The following CACNA1F variants were observed in gnomAD, a reference collection of about 807,000 sequenced individuals.
CACNA1F encodes calcium voltage-gated channel subunit alpha1 F, also known as voltage-dependent L-type calcium channel subunit alpha-1F.
CACNA1F carries 59 observed loss-of-function variants against 143.8 expected under a neutral mutation model. The ratio of observed to expected loss-of-function variants is 0.41; its 90% CI spans 0.33 to 0.51. The LOEUF (loss-of-function observed/expected upper bound fraction) is 0.51. CACNA1F is among the 20% of genes least tolerant of loss of function. The pLI is 0.22. For missense variants in CACNA1F, 1,411 were observed against 1,647.5 expected, an observed-to-expected ratio of 0.86 and a Z score of 2.48; for synonymous variants, 643 against 649.1, an observed-to-expected ratio of 0.99 and a Z score of 0.14.
intron 26 of CACNA1F, among the ~76,000 whole-genome samples, chrX:49,217,204 C>T (rs111869027): frequency 2.4e-4 from 27 of 112,777 alleles, no homozygotes; most frequent in African/African-American, 8.4e-4. Context: ...GGTGATCTGC[C>T]TGCCTTGGCC....
At chrX:49,208,420 CCCA>C in intron 43 of CACNA1F, 92 bp downstream of exon 43, 1 of 317,322 alleles carries the variant, frequency 3.2e-6, no homozygotes, top group Admixed American at 3.6e-5. Flanking sequence ...GGCCCTCCCT[CCCA>C]CCCCCCTCAA....
Position 49,211,089 on chromosome X carries a change from T to C in CACNA1F, c.4264A>G (p.Ile1422Val), listed in dbSNP as rs1557106131. The C allele has an allele frequency of 4.1e-6, 5 of 1,210,102 alleles. No individual in the cohort carries two copies. The highest frequency in any genetic ancestry group is 5.6e-6 in the Non-Finnish European group (5 of 894,267). ...SFFMLCAFLIINLFVAVIMDN... is the reference protein window; with the variant it reads ...SFFMLCAFLIVNLFVAVIMDN... The stretch of plus-strand genomic sequence containing the variant: ...ATGATCACAGCCACAAAGAGATTTA[T>C]GATCTGTGGGCCAGTGAGCAAGGGA... The change falls in exon 37 of 48, where the codon ATA (isoleucine) becomes GTA (valine). Residue 1422 changes from isoleucine (I) to valine (V), a missense_variant. Ile to Val is a conservative substitution (Grantham distance 29, BLOSUM62 3). This residue lies in a region of CACNA1F where 112 missense variants were observed against 169.2 expected (regional missense o/e 0.66). Coordinates refer to ENST00000323022, the MANE Select transcript of CACNA1F (RefSeq NM_001256789.3).
In CACNA1F at chrX:49,218,090, G is replaced by A. The variant is rs1477478409; in HGVS notation, c.2929-85C>T. On this transcript the variant is annotated intron_variant, in intron 24 of 47. Coordinates refer to ENST00000323022, the MANE Select transcript of CACNA1F (RefSeq NM_001256789.3). Reference sequence around the variant, plus strand: ...GGACTCTGGTCATAGATGCAGCTGAGGGACTTGGGCTGGGGACATGTGGTG... The same window carrying A: ...GGACTCTGGTCATAGATGCAGCTGAAGGACTTGGGCTGGGGACATGTGGTG... 1.7e-5 allele frequency: 12 copies of A among 685,813 alleles called. No individual in the cohort carries two copies. The Admixed American group carries it at 3.0e-4, about 17-fold the overall frequency. 56.5% of individuals were successfully genotyped at this position (685,813 alleles called of 1,213,427 possible).
At position 49,213,737 on chromosome X, in the gene CACNA1F, C is replaced by T. The variant is rs782717294; in HGVS notation, c.3792+82G>A. 5.9e-5 allele frequency: 40 copies of T among 672,492 alleles called. 1 individual carries two copies. The highest frequency in any genetic ancestry group is 8.4e-5 in the Non-Finnish European group (34 of 404,710). The allele number at this position is 672,492 out of a possible 1,213,427, so 55.4% of individuals were successfully genotyped here. On this transcript the variant is annotated intron_variant, in intron 31 of 47. Transcript: ENST00000323022. Reference sequence around the variant, plus strand: ...GGAGGATGTGCGTGGGAGCCACCCACCCACGTGAAAGGGAACCCCGGGATA... The same window carrying T: ...GGAGGATGTGCGTGGGAGCCACCCATCCACGTGAAAGGGAACCCCGGGATA...
At chrX:49,222,065 C>G (rs2065780180) in intron 17 of CACNA1F, among the ~76,000 whole-genome samples, 1 of 110,612 alleles carries the variant, frequency 9.0e-6, no homozygotes, top group African/African-American at 3.3e-5. Context: ...ATACTCTTCC[C>G]CCAGATATTT....
In CACNA1F at chrX:49,215,525, G is replaced by A. The variant is rs781932898; in HGVS notation, c.3255C>T (p.Ile1085=). Reference sequence around the variant, plus strand: ...GGCCGTGGTCCTCTGCATATGCATCGATGGCCTTGTATAGCAGTCTGTGGG... The same window carrying A: ...GGCCGTGGTCCTCTGCATATGCATCAATGGCCTTGTATAGCAGTCTGTGGG... ...EGWPALLYKA[I]DAYAEDHGPI... The change falls in exon 28 of 48, where the codon ATC becomes ATT. Residue 1085 remains isoleucine, a synonymous_variant. Coordinates refer to ENST00000323022, the MANE Select transcript of CACNA1F (RefSeq NM_001256789.3). The A allele has an allele frequency of 3.4e-6, 4 of 1,191,034 alleles. No individual in the cohort carries two copies. In the African/African-American group the frequency reaches 5.4e-5, roughly 16 times the overall value.
chrX:49,205,921 A>G, intron 46 of CACNA1F, 108 bp from the exon 47 acceptor site: 1 of 683,116 alleles, frequency 1.5e-6, no homozygotes, highest in Non-Finnish European at 2.3e-6. Context: ...CTGGAGTGAA[A>G]TTGAATGGGT....
intron 6 of CACNA1F, 114 bp from the exon 7 acceptor site, chrX:49,228,561 C>CTCTT (rs1210572516): frequency 1.0e-5 from 6 of 579,362 alleles, no homozygotes; most frequent in South Asian, 5.1e-5. Context: ...TTCTCTTTCT[C>CTCTT]TCTTTCTTTC....
intron 15 of CACNA1F, 37 bp downstream of exon 15, chrX:49,222,892 T>TC: frequency 8.3e-7 from 1 of 1,206,953 alleles, no homozygotes; most frequent in Non-Finnish European, 1.1e-6. Flanking sequence ...CTCCAGGGTC[T>TC]CCCCGACCCA....
intron 26 of CACNA1F, 41 bp downstream of exon 26, chrX:49,217,708 TGGGAGG>T (rs1557107749): frequency 1.8e-6 from 2 of 1,103,138 alleles, no homozygotes; most frequent in Non-Finnish European, 2.5e-6. Context: ...CTAAAGTCTT[TGGGAGG>T]GGTCCTGAGC....
Position 49,230,615 on chromosome X carries a change from G to A in CACNA1F, c.522-6C>T, listed in dbSNP as rs1557111114. ...CCAGCAGAACGCTGAACAGCCTGAT[G>A]GGGGAGCACCGGGCAGGGAGGCGGA... On this transcript the variant is annotated splice_region_variant and splice_polypyrimidine_tract_variant and intron_variant, in intron 4 of 47. Transcript: ENST00000323022. 8.6e-7 allele frequency: 1 copy of A among 1,161,599 alleles called. No individual in the cohort carries two copies. Among genetic ancestry groups the A allele is most frequent in the African/African-American group, 1.8e-5 (1 of 56,403 alleles).
chrX:49,222,939 G>A lies in CACNA1F; in HGVS notation c.2075C>T (p.Thr692Ile). The A allele has an allele frequency of 5.1e-6, 6 of 1,171,409 alleles. No homozygotes were observed. Among genetic ancestry groups the A allele is most frequent in the Non-Finnish European group, 5.7e-6 (5 of 870,051 alleles). ...TFDTFPQALL[T>I]VFQILTGEDW... Reference sequence around the variant, plus strand: ...GTCTCCAGATCCTACCTGAAAGACAGTGAGGAGGGCCTGGGGGAACGTGTC... The same window carrying A: ...GTCTCCAGATCCTACCTGAAAGACAATGAGGAGGGCCTGGGGGAACGTGTC... The change falls in exon 15 of 48, where the codon ACT becomes ATT. Residue 692 changes from threonine to isoleucine, a missense_variant. Coordinates refer to ENST00000323022, the MANE Select transcript of CACNA1F (RefSeq NM_001256789.3).
intron 17 of CACNA1F, chrX:49,222,295 A>C: frequency 2.4e-6 from 1 of 422,224 alleles, no homozygotes; most frequent in Non-Finnish European, 4.1e-6. Flanking sequence ...GAAGGCAAGG[A>C]CTCTTGTCTG....
Position 49,228,329 on chromosome X carries a change from G to C in CACNA1F, c.936C>G (p.Asn312Lys). The C allele has an allele frequency of 8.3e-7, 1 of 1,211,613 alleles. No homozygotes were observed. The highest frequency in any genetic ancestry group is 1.1e-6 in the Non-Finnish European group (1 of 895,003). Residue 312 changes from asparagine (N) to lysine (K), a missense_variant, in exon 7 of 48, where the codon AAC becomes AAG. By Grantham distance (94) the Asn-to-Lys change is moderately conservative. Transcript: ENST00000323022. Reference sequence around the variant, plus strand: ...GCATGGCGAAGAAGAAGTTGTCAAAGTTGGTGATGCCTCCATTGGGCCCTG... The same window carrying C: ...GCATGGCGAAGAAGAAGTTGTCAAACTTGGTGATGCCTCCATTGGGCCCTG... ...RWPGPNGGIT[N>K]FDNFFFAMLT...
At chrX:49,214,964 G>A in intron 29 of CACNA1F, 122 bp downstream of exon 29, 1 of 607,766 alleles carries the variant, frequency 1.6e-6, no homozygotes. Flanking sequence ...TATAGCTTAA[G>A]TTGCTGTTAG....
At chrX:49,217,121 G>T (rs900590893) in intron 26 of CACNA1F, among the ~76,000 whole-genome samples, 8 of 111,621 alleles carry the variant, frequency 7.2e-5, no homozygotes, top group African/African-American at 2.6e-4. Flanking sequence ...ACCAAGCCCA[G>T]CTAATTTTTG....
chrX:49,213,946 C>A, intron 30 of CACNA1F, 44 bp from the exon 31 acceptor site: 1 of 1,011,867 alleles, frequency 9.9e-7, no homozygotes, highest in African/African-American at 1.9e-5. Context: ...TCAAAGCTCG[C>A]AAGCCAGGGT....
Position 49,206,496 on chromosome X carries a change from C to T in CACNA1F, c.5472+15G>A. ...CTCCAGACCCCAGACCCCAGCACCA[C>T]CTCCACAGCCTCACCTGAGCCCTAT... is the stretch of plus-strand genomic sequence containing the variant. On this transcript the variant is annotated intron_variant, in intron 46 of 47. Transcript: ENST00000323022. The T allele has an allele frequency of 1.7e-6, 2 of 1,148,597 alleles. No individual in the cohort carries two copies. The highest frequency in any genetic ancestry group is 2.4e-6 in the Non-Finnish European group (2 of 838,390). The allele number at this position is 1,148,597 out of a possible 1,213,427, so 94.7% of individuals were successfully genotyped here. A position where few individuals can be genotyped will look rare whatever the true frequency, so the allele number is the denominator to read the frequency against.
intron 40 of CACNA1F, 26 bp downstream of exon 40, chrX:49,209,915 G>C (rs376030150): frequency 1.8e-6 from 2 of 1,142,319 alleles, no homozygotes; most frequent in Non-Finnish European, 2.4e-6. Flanking sequence ...GGGCTGGCGC[G>C]GGGAACTGGG....
Sources: gnomAD v4.1 joint callset for allele counts (sites outside exome capture counted in the v4.1 genomes callset) on GRCh38, gnomAD v4.1.1 for gene constraint, gnomAD v4.1.1 regional missense constraint, MANE v1.5 for transcripts, NCBI Gene and HGNC (gene_info 2026-07-23, HGNC 2026-07-21) for gene names.